NEDD4: variants seen among roughly 807,000 people sequenced by gnomAD.
NEDD4 encodes NEDD4 E3 ubiquitin protein ligase, also known as E3 ubiquitin-protein ligase NEDD4.
Under a neutral mutation model 144.9 loss-of-function variants are expected in NEDD4, and 99 were observed. The ratio of observed to expected loss-of-function variants is 0.68; its 90% CI spans 0.58 to 0.81. NEDD4 has a LOEUF of 0.81. Ranked by LOEUF, NEDD4 falls within the 30% of genes least tolerant of loss-of-function variation. NEDD4 has a pLI of 0.00. For missense variants in NEDD4, 985 were observed against 1,065.9 expected (o/e 0.92, Z 1.06); for synonymous variants, 318 against 350.6 (o/e 0.91, Z 1.04).
At chr15:55,932,559 A>C (rs1368506273) in intron 4 of NEDD4, among the ~76,000 whole-genome samples, 7 of 152,250 alleles carry the variant, frequency 4.6e-5, no homozygotes, top group Non-Finnish European at 7.3e-5. Context: ...CTAAAACCAT[A>C]AAAACCCTAG....
chr15:55,989,228 T>A (rs1451539002), intron 1 of NEDD4, among the ~76,000 whole-genome samples: 1 of 152,138 alleles, frequency 6.6e-6, no homozygotes, highest in East Asian at 1.9e-4. Context: ...AGAGCAAGAC[T>A]CCGTCTCAAA....
intron 1 of NEDD4, among the ~76,000 whole-genome samples, chr15:55,972,029 T>C (rs762178218): frequency 2.0e-5 from 3 of 151,996 alleles, no homozygotes; most frequent in Admixed American, 2.0e-4. Flanking sequence ...CCGGTGAAAA[T>C]ACCCTTCAAA....
At chr15:55,875,413 G>A (rs868674367) in intron 5 of NEDD4, among the ~76,000 whole-genome samples, 22 of 152,240 alleles carry the variant, frequency 1.4e-4, no homozygotes, top group Middle Eastern at 6.8e-3. Flanking sequence ...GGGTTCAAGT[G>A]ATTTGTCTTG....
intron 5 of NEDD4, among the ~76,000 whole-genome samples, chr15:55,914,912 G>A (rs2036386372): frequency 6.6e-6 from 1 of 151,950 alleles, no homozygotes; most frequent in Admixed American, 6.6e-5. Context: ...ATAAAGTATT[G>A]AGCTACACAA....
At position 55,915,559 on chromosome 15, in the gene NEDD4, A is replaced by C. The variant is rs150693011; in HGVS notation, c.291+9087T>G. On this transcript the variant is annotated intron_variant, in intron 5 of 28. Transcript: ENST00000435532. ...ATTTGACAATCTACATTTTGGGAGGATGGCAAACATGCAGATGTCCTATGC... is the reference window on the plus strand; with the variant it reads ...ATTTGACAATCTACATTTTGGGAGGCTGGCAAACATGCAGATGTCCTATGC... 1.9e-6 allele frequency: 3 copies of C among 1,613,860 alleles called. No homozygotes were observed. In the African/African-American group the frequency reaches 4.0e-5, roughly 22 times the overall value.
chr15:55,841,905 C>A, intron 19 of NEDD4, 29 bp downstream of exon 19: 2 of 1,569,010 alleles, frequency 1.3e-6, no homozygotes, highest in Non-Finnish European at 1.8e-6. Flanking sequence ...TTTTCTTTTT[C>A]TGCCGATAAT....
chr15:55,915,141 T>C, intron 5 of NEDD4: 1 of 622,832 alleles, frequency 1.6e-6, no homozygotes, highest in Non-Finnish European at 2.6e-6. Context: ...GATTTACAAA[T>C]ATAAAATTTA....
intron 21 of NEDD4, among the ~76,000 whole-genome samples, chr15:55,839,971 C>T (rs2033391504): frequency 7.3e-5 from 1 of 13,722 alleles, no homozygotes. Context: ...GACACTCTGT[C>T]TCAAAAAAAA....
intron 4 of NEDD4, among the ~76,000 whole-genome samples, chr15:55,942,102 T>C (rs548879100): frequency 6.6e-6 from 1 of 152,050 alleles, no homozygotes; most frequent in Non-Finnish European, 1.5e-5. Flanking sequence ...TTACTAGAAG[T>C]GGTAAAATCA....
intron 4 of NEDD4, among the ~76,000 whole-genome samples, chr15:55,938,364 C>T (rs1475058286): frequency 6.6e-6 from 1 of 151,722 alleles, no homozygotes; most frequent in Non-Finnish European, 1.5e-5. Flanking sequence ...AAACAAAAAA[C>T]AAAACAAAAA....
intron 24 of NEDD4, among the ~76,000 whole-genome samples, chr15:55,835,271 T>C (rs1300928901): frequency 6.6e-6 from 1 of 152,236 alleles, no homozygotes; most frequent in East Asian, 1.9e-4. Context: ...CAGCTATATC[T>C]AATAAACATA....
At chr15:55,949,692 G>C (rs919444515) in intron 4 of NEDD4, among the ~76,000 whole-genome samples, 1 of 152,066 alleles carries the variant, frequency 6.6e-6, no homozygotes, top group African/African-American at 2.4e-5. Flanking sequence ...TCAGCAAACT[G>C]TCGCAGGGAC....
chr15:55,935,363 G>A lies in NEDD4; in HGVS notation c.238-10664C>T, dbSNP rs562375961. On this transcript the variant is annotated intron_variant, in intron 4 of 28. Transcript: ENST00000435532. ...AATTATAATTTTATTCAAATATTGG[G>A]TGACTATGTCTGTCAGGGATAGACA... 3.9e-5 allele frequency among the ~76,000 whole-genome samples: 6 copies of A among 152,084 alleles called. No individual in the cohort carries two copies. In the East Asian group the frequency reaches 5.8e-4, roughly 15 times the overall value.
intron 4 of NEDD4, among the ~76,000 whole-genome samples, chr15:55,925,051 T>G (rs1024920518): frequency 6.6e-6 from 1 of 152,072 alleles, no homozygotes; most frequent in Non-Finnish European, 1.5e-5. Context: ...CTGGGCGACA[T>G]AGAGAGACTC....
chr15:55,861,092 C>T lies in NEDD4; in HGVS notation c.675-314G>A, dbSNP rs577081729. On this transcript the variant is annotated intron_variant, in intron 9 of 28. Transcript: ENST00000435532. ...AAATATTTGTTGAATGAATAAATATCAGAGCGCTTCATAGATTATTTCATT... is the reference window on the plus strand; with the variant it reads ...AAATATTTGTTGAATGAATAAATATTAGAGCGCTTCATAGATTATTTCATT... Among the ~76,000 whole-genome samples the T allele has an allele frequency of 2.0e-5, 3 of 152,262 alleles. No homozygotes were observed. The East Asian group carries it at 5.8e-4, about 29-fold the overall frequency.
intron 5 of NEDD4, among the ~76,000 whole-genome samples, chr15:55,886,967 T>TA (rs1367182887): frequency 6.6e-6 from 1 of 151,072 alleles, no homozygotes; most frequent in Non-Finnish European, 1.5e-5. Context: ...AAGAATAACA[T>TA]ACCAAAACCT....
intron 7 of NEDD4, among the ~76,000 whole-genome samples, chr15:55,870,513 T>C (rs2034746915): frequency 1.1e-5 from 1 of 94,766 alleles, no homozygotes; most frequent in Non-Finnish European, 2.4e-5. Context: ...GCTTTTTTTT[T>C]CTTCTTCTTC....
At chr15:55,968,072 T>A (rs539213281) in intron 1 of NEDD4, among the ~76,000 whole-genome samples, 37 of 152,194 alleles carry the variant, frequency 2.4e-4, no homozygotes, top group Non-Finnish European at 4.9e-4. Context: ...TATGTTTACG[T>A]GTGAAAATAT....
chr15:55,856,419 G>C (rs2034198264), intron 11 of NEDD4, among the ~76,000 whole-genome samples: 1 of 152,066 alleles, frequency 6.6e-6, no homozygotes, highest in African/African-American at 2.4e-5. Context: ...CTGCCTCCTG[G>C]ACACCTTCTC....
Sources: gnomAD v4.1 joint callset for allele counts (sites outside exome capture counted in the v4.1 genomes callset) on GRCh38, gnomAD v4.1.1 for gene constraint, MANE v1.5 for transcripts, NCBI Gene and HGNC (gene_info 2026-07-23, HGNC 2026-07-21) for gene names.